PIWIL1: variants seen among roughly 807,000 people sequenced by gnomAD.
PIWIL1 encodes the protein piwi-like protein 1.
A neutral mutation model predicts 114.4 loss-of-function variants in PIWIL1; 73 were observed. The observed-to-expected ratio is 0.64, with a 90% CI of 0.53 to 0.78. PIWIL1 has a LOEUF of 0.78. Among genes scored for constraint, PIWIL1 ranks in the 30% least tolerant of loss-of-function variants. PIWIL1 has a pLI of 0.00. For synonymous variants in PIWIL1, 375 were observed against 369.0 expected (o/e 1.02, Z -0.19); for missense variants, 723 against 1,063.1 (o/e 0.68, Z 4.45).
chr12:130,414,458 G>A, the PIWIL1 span: 2 of 689,962 alleles, frequency 2.9e-6, no homozygotes, highest in Non-Finnish European at 4.8e-6. Context: ...AATAGATCGG[G>A]AGGTCTAGGT....
intron 9 of PIWIL1, among the ~76,000 whole-genome samples, chr12:130,354,181 G>A (rs1045882867): frequency 6.6e-6 from 1 of 152,126 alleles, no homozygotes; most frequent in African/African-American, 2.4e-5. Flanking sequence ...AATAGTTTTA[G>A]AGGAATCATC....
the PIWIL1 span, among the ~76,000 whole-genome samples, chr12:130,389,753 T>G: frequency 1.6e-4 from 24 of 152,342 alleles, 1 homozygote; most frequent in African/African-American, 5.8e-4. Context: ...TGGCTTCTAC[T>G]CTTTATCTCT....
chr12:130,377,514 C>T (rs945097650), downstream of PIWIL1, among the ~76,000 whole-genome samples: 16 of 152,192 alleles, frequency 1.1e-4, 1 homozygote, highest in South Asian at 2.1e-4. Context: ...GAGGTGGGGC[C>T]GTCCAGACAG....
the PIWIL1 span, among the ~76,000 whole-genome samples, chr12:130,388,609 G>A: frequency 6.6e-6 from 1 of 152,228 alleles, no homozygotes; most frequent in African/African-American, 2.4e-5. Context: ...CCATTTACTT[G>A]AGTTTTAAAA....
At chr12:130,348,273 C>T (rs956252412) in intron 7 of PIWIL1, 90 bp downstream of exon 7, 3 of 698,578 alleles carry the variant, frequency 4.3e-6, no homozygotes, top group African/African-American at 1.8e-5. Context: ...AAATTTACTA[C>T]AGTGACTGTT....
the PIWIL1 span, among the ~76,000 whole-genome samples, chr12:130,392,067 CCG>C: frequency 6.8e-6 from 1 of 147,194 alleles, no homozygotes; most frequent in African/African-American, 2.5e-5. Context: ...GACCCGGTCA[CCG>C]TCATCACGTG....
chr12:130,354,458 A>G (rs1277883721), intron 9 of PIWIL1, 79 bp from the exon 10 acceptor site: 2 of 1,574,340 alleles, frequency 1.3e-6, no homozygotes, highest in Non-Finnish European at 1.7e-6. Flanking sequence ...ATTTTTTTAA[A>G]AAATGAAACC....
At chr12:130,395,855 C>T in the PIWIL1 span, among the ~76,000 whole-genome samples, 1 of 152,046 alleles carries the variant, frequency 6.6e-6, no homozygotes, top group African/African-American at 2.4e-5. Context: ...TCTAAAGCTG[C>T]CAGAGGGAAT....
chr12:130,365,156 C>T (rs539767035), intron 18 of PIWIL1, among the ~76,000 whole-genome samples: 37 of 152,274 alleles, frequency 2.4e-4, no homozygotes, highest in East Asian at 1.9e-4. Flanking sequence ...GGGAACACAG[C>T]GTTGCAGGGA....
the PIWIL1 span, among the ~76,000 whole-genome samples, chr12:130,382,843 A>G: frequency 6.6e-6 from 1 of 152,212 alleles, no homozygotes; most frequent in African/African-American, 2.4e-5. Context: ...AAATAATACT[A>G]CAGAAAGCCC....
At chr12:130,422,351 A>C in the PIWIL1 span, 1 of 675,438 alleles carries the variant, frequency 1.5e-6, no homozygotes, top group Non-Finnish European at 2.5e-6. This position sits in a 1 kb window ranked among gnomAD's most constrained non-coding sequence, Gnocchi z 5.2. Context: ...TTCTTTGCTT[A>C]GCGGAAAATG....
At chr12:130,346,679 G>C in intron 5 of PIWIL1, 95 bp downstream of exon 5, 1 of 1,026,282 alleles carries the variant, frequency 9.7e-7, no homozygotes. Flanking sequence ...GGCCCCAGGA[G>C]TCTCCTGTCT....
chr12:130,350,122 T>C (rs1038783866), intron 9 of PIWIL1, among the ~76,000 whole-genome samples, 155 bp downstream of exon 9: 2 of 152,232 alleles, frequency 1.3e-5, no homozygotes, highest in African/African-American at 4.8e-5. Context: ...ATTACCAAAT[T>C]ATTAAAATGC....
the PIWIL1 span, chr12:130,397,203 G>C: frequency 5.3e-6 from 2 of 380,096 alleles, no homozygotes; most frequent in Non-Finnish European, 9.3e-6. Flanking sequence ...CTTTGTTCTC[G>C]TGGTTGGTTT....
chr12:130,416,584 C>A, the PIWIL1 span, among the ~76,000 whole-genome samples: 1 of 152,126 alleles, frequency 6.6e-6, no homozygotes, highest in African/African-American at 2.4e-5. Flanking sequence ...CAAGGTGGAT[C>A]AAAGATTTGA....
chr12:130,342,293 C>T (rs949122388), intron 1 of PIWIL1: 1 of 399,694 alleles, frequency 2.5e-6, no homozygotes, highest in East Asian at 4.7e-5. Flanking sequence ...ACTTTCTCCT[C>T]CTAAGTCTGT....
the PIWIL1 span, among the ~76,000 whole-genome samples, chr12:130,395,737 G>A: frequency 6.6e-6 from 1 of 152,064 alleles, no homozygotes. Context: ...ACATCATCTG[G>A]TTACTTGGAG....
the PIWIL1 span, among the ~76,000 whole-genome samples, chr12:130,388,890 T>C: frequency 3.3e-5 from 5 of 152,332 alleles, no homozygotes; most frequent in South Asian, 8.3e-4. Context: ...TTCTGTTTTC[T>C]TCTTTCCAAT....
At chr12:130,349,134 A>G in intron 7 of PIWIL1, 105 bp from the exon 8 acceptor site, 1 of 703,118 alleles carries the variant, frequency 1.4e-6, no homozygotes. Context: ...TCATTCAGAA[A>G]CTTTATAGTT....
Sources: allele counts gnomAD v4.1 joint callset (sites outside exome capture counted in the v4.1 genomes callset), GRCh38; gene constraint gnomAD v4.1.1; non-coding constraint Gnocchi (gnomAD v3.1); transcripts MANE v1.5; gene names NCBI Gene and HGNC (gene_info 2026-07-23, HGNC 2026-07-21).